Variants in RGS5 observed in about 807,000 individuals in gnomAD.
RGS5 encodes the protein regulator of G protein signaling 5.
A neutral mutation model predicts 18.9 loss-of-function variants in RGS5; 20 were observed. The observed-to-expected ratio is 1.06, with a 90% CI of 0.74 to 1.54. RGS5 has a LOEUF of 1.54. Among genes scored for constraint, RGS5 ranks in the 40% most tolerant of loss-of-function variants. The pLI is 0.00. For synonymous variants in RGS5, 57 were observed against 76.2 expected (o/e 0.75, Z 1.31); for missense variants, 201 against 211.8 (o/e 0.95, Z 0.32).
In RGS5 at chr1:163,152,652, C is replaced by T; in HGVS notation, c.282G>A (p.Trp94Ter). 6.2e-7 allele frequency: 1 copy of T among 1,612,440 alleles called. No individual in the cohort carries two copies. The highest frequency in any genetic ancestry group is 1.3e-5 in the African/African-American group (1 of 74,966). ...TCTTCTTGTAATCCTCACAGGCAAT[C>T]CAGAACTCAAGGTTTTCCTCACTGA... ...SEFSEENLEF[W>*]IACEDYKKIK... The change falls in exon 4 of 5, where the codon TGG (tryptophan) becomes TGA (stop). Residue 94 changes from tryptophan to a stop codon, truncating the protein, a stop_gained. Transcript: ENST00000313961. LOFTEE classifies it high-confidence loss of function.
intron 2 of RGS5, chr1:163,267,387 T>C (rs1428887325): frequency 6.6e-6 from 1 of 152,192 alleles, no homozygotes; most frequent in East Asian, 1.9e-4. Flanking sequence ...CAGTCTATAG[T>C]GTTTTGTTAT....
intron 1 of RGS5, among the ~76,000 whole-genome samples, chr1:163,314,832 A>C (rs1649973629): frequency 6.6e-6 from 1 of 152,200 alleles, no homozygotes; most frequent in African/African-American, 2.4e-5. Flanking sequence ...GCGAGGGCAC[A>C]GCTAGAAGAT....
chr1:163,281,600 C>T (rs1005480199), intron 2 of RGS5, among the ~76,000 whole-genome samples: 4 of 152,186 alleles, frequency 2.6e-5, no homozygotes, highest in Admixed American at 2.6e-4. Flanking sequence ...ACACCTCCCA[C>T]TAGATCCCAC....
intron 2 of RGS5, among the ~76,000 whole-genome samples, chr1:163,268,682 C>T (rs1648635528): frequency 1.3e-5 from 2 of 152,106 alleles, no homozygotes; most frequent in Admixed American, 6.6e-5. Flanking sequence ...CAGCCCACAA[C>T]TTACCAAAAT....
At chr1:163,205,642 C>T (rs928283974), upstream of RGS5, among the ~76,000 whole-genome samples, 1 of 152,040 alleles carries the variant, frequency 6.6e-6, no homozygotes, top group Non-Finnish European at 1.5e-5. Flanking sequence ...AGATATCCAT[C>T]TGCCCTGGAG....
chr1:163,290,726 C>A (rs1251900057), intron 2 of RGS5, among the ~76,000 whole-genome samples: 1 of 151,330 alleles, frequency 6.6e-6, no homozygotes, highest in Non-Finnish European at 1.5e-5. Context: ...GAAAAAAGAT[C>A]AGATTTCAAA....
intron 2 of RGS5, among the ~76,000 whole-genome samples, chr1:163,292,002 T>C (rs1039167258): frequency 1.3e-5 from 2 of 150,488 alleles, no homozygotes; most frequent in African/African-American, 4.9e-5. Context: ...ATAGAAATGA[T>C]TTTTTTTTTA....
Position 163,152,565 on chromosome 1 carries a change from C to T in RGS5, c.369G>A (p.Thr123=), listed in dbSNP as rs150796534. 7.3e-5 allele frequency: 117 copies of T among 1,612,144 alleles called. No individual in the cohort carries two copies. The highest frequency in any genetic ancestry group is 8.3e-5 in the Non-Finnish European group (98 of 1,178,940). ...AGAGACCAACCTCTTTAGGAGCCTC[C>T]GTTTGAATGAATTCTTCATAAATTT... ...AKQIYEEFIQ[T]EAPKEVNIDH... Residue 123 remains threonine, a synonymous_variant, in exon 4 of 5, where the codon ACG becomes ACA. Transcript: ENST00000313961.
Position 163,145,022 on chromosome 1 carries a change from A to T in RGS5, c.*2320T>A, listed in dbSNP as rs1657076814. ...AGATATATAGATATAATGTCACAAT[A>T]TCACTATAAGGCATTCCTTCTTCCA... is the stretch of plus-strand genomic sequence containing the variant. On this transcript the variant is annotated 3_prime_UTR_variant, in exon 5 of 5. Coordinates refer to ENST00000313961, the MANE Select transcript of RGS5 (RefSeq NM_003617.4). 1.3e-5 allele frequency: 2 copies of T among 152,176 alleles called. No homozygotes were observed. The highest frequency in any genetic ancestry group is 6.5e-5 in the Admixed American group (1 of 15,270). The allele number at this position is 152,176 out of a possible 1,614,324, so 9.4% of individuals were successfully genotyped here. A position where few individuals can be genotyped will look rare whatever the true frequency, so the allele number is the denominator to read the frequency against.
chr1:163,196,400 C>G (rs974869754), intron 1 of RGS5, among the ~76,000 whole-genome samples: 4 of 152,244 alleles, frequency 2.6e-5, no homozygotes, highest in Non-Finnish European at 5.9e-5. Flanking sequence ...TCATCTATCC[C>G]GTAATATTGT....
chr1:163,305,564 A>C (rs1203258025), intron 2 of RGS5, among the ~76,000 whole-genome samples: 1 of 152,202 alleles, frequency 6.6e-6, no homozygotes, highest in Non-Finnish European at 1.5e-5. Context: ...TACACTAGTA[A>C]GCTTTCTGCC....
At chr1:163,215,781 T>C (rs889984616) in intron 1 of RGS5, among the ~76,000 whole-genome samples, 1 of 152,098 alleles carries the variant, frequency 6.6e-6, no homozygotes, top group East Asian at 1.9e-4. Context: ...TAAAAGTTTT[T>C]GGGCCAGGCA....
At chr1:163,295,303 G>A (rs576811653) in intron 2 of RGS5, among the ~76,000 whole-genome samples, 2 of 152,178 alleles carry the variant, frequency 1.3e-5, no homozygotes, top group South Asian at 4.2e-4. Flanking sequence ...GATGCTTTAA[G>A]GCAAACATTT....
At chr1:163,291,185 G>A (rs1036177192) in intron 2 of RGS5, among the ~76,000 whole-genome samples, 2 of 151,434 alleles carry the variant, frequency 1.3e-5, no homozygotes, top group Non-Finnish European at 2.9e-5. Flanking sequence ...GCTACTTCAT[G>A]TCAAATCTCT....
At chr1:163,230,390 A>G (rs1462933909) in intron 2 of RGS5, among the ~76,000 whole-genome samples, 3 of 152,210 alleles carry the variant, frequency 2.0e-5, no homozygotes, top group African/African-American at 7.2e-5. Context: ...AAAGAAAAAA[A>G]TGTTATAGTG....
intron 2 of RGS5, among the ~76,000 whole-genome samples, chr1:163,291,131 TAAA>T (rs147710607): frequency 2.8e-4 from 41 of 146,110 alleles, no homozygotes; most frequent in Admixed American, 5.5e-4. Context: ...GCCCACTTAT[TAAA>T]AAAAAAAAAA....
chr1:163,309,099 C>T (rs1453274438), intron 1 of RGS5, among the ~76,000 whole-genome samples: 2 of 152,096 alleles, frequency 1.3e-5, no homozygotes, highest in Admixed American at 6.5e-5. Flanking sequence ...CCTGTAATCC[C>T]AGCACTTTGG....
chr1:163,218,646 A>C (rs2101676449), upstream of RGS5, among the ~76,000 whole-genome samples: 1 of 152,212 alleles, frequency 6.6e-6, no homozygotes. Flanking sequence ...ATGTAAAAAT[A>C]TTCTGAGAAA....
chr1:163,239,942 A>G (rs1647743011), intron 2 of RGS5, among the ~76,000 whole-genome samples: 1 of 152,230 alleles, frequency 6.6e-6, no homozygotes, highest in Non-Finnish European at 1.5e-5. Context: ...ACTTTGTACA[A>G]TGACTGTCTA....
Sources: allele counts gnomAD v4.1 joint callset (sites outside exome capture counted in the v4.1 genomes callset), GRCh38; gene constraint gnomAD v4.1.1; transcripts MANE v1.5; gene names NCBI Gene and HGNC (gene_info 2026-07-23, HGNC 2026-07-21).